Variants in PRKD1 observed in about 807,000 individuals in gnomAD.
The protein encoded by PRKD1 is protein kinase D1, also known as serine/threonine-protein kinase D1.
A neutral mutation model predicts 95.9 loss-of-function variants in PRKD1; 63 were observed. That is an observed-to-expected ratio of 0.66 (90% confidence interval 0.54 to 0.81). PRKD1 has a LOEUF of 0.81. Among genes scored for constraint, PRKD1 ranks in the 30% least tolerant of loss-of-function variants. PRKD1 has a pLI of 0.00. For missense variants in PRKD1, 1,048 were observed against 1,165.3 expected, an observed-to-expected ratio of 0.90 and a Z score of 1.47; for synonymous variants, 425 against 423.1, an observed-to-expected ratio of 1.00 and a Z score of -0.05.
chr14:29,829,829 C>G (rs1891334376), intron 1 of PRKD1, among the ~76,000 whole-genome samples: 1 of 152,030 alleles, frequency 6.6e-6, no homozygotes. Context: ...ATATTTCTTT[C>G]AAAATTTCAT....
intron 2 of PRKD1, among the ~76,000 whole-genome samples, chr14:29,704,728 T>A (rs1884995611): frequency 6.6e-6 from 1 of 152,298 alleles, no homozygotes; most frequent in East Asian, 1.9e-4. Flanking sequence ...CCATTCTATA[T>A]GTTCAATGAC....
chr14:29,675,035 C>CT (rs986144828), intron 2 of PRKD1, among the ~76,000 whole-genome samples: 3 of 152,164 alleles, frequency 2.0e-5, no homozygotes, highest in African/African-American at 7.2e-5. Flanking sequence ...TCAACAATTG[C>CT]TGAATCCAAT....
chr14:29,649,366 CT>C (rs2139171223), intron 4 of PRKD1, among the ~76,000 whole-genome samples: 1 of 151,642 alleles, frequency 6.6e-6, no homozygotes, highest in South Asian at 2.1e-4. Context: ...TGTGGCTTTC[CT>C]TTTGTCTCTG....
chr14:29,878,824 A>AT (rs1451964310), intron 1 of PRKD1, among the ~76,000 whole-genome samples: 1 of 152,154 alleles, frequency 6.6e-6, no homozygotes, highest in Non-Finnish European at 1.5e-5. Flanking sequence ...AAAGTTCTGG[A>AT]ATTAGATAAT....
At chr14:29,840,799 C>T (rs1421212941) in intron 1 of PRKD1, among the ~76,000 whole-genome samples, 1 of 152,176 alleles carries the variant, frequency 6.6e-6, no homozygotes, top group Non-Finnish European at 1.5e-5. Flanking sequence ...TCTCTTGAGA[C>T]CCACTCACTA....
chr14:29,625,574 A>G (rs941647046), intron 12 of PRKD1, among the ~76,000 whole-genome samples: 1 of 152,152 alleles, frequency 6.6e-6, no homozygotes, highest in African/African-American at 2.4e-5. Context: ...TATACTGTAG[A>G]GCAGTAATCA....
intron 1 of PRKD1, among the ~76,000 whole-genome samples, chr14:29,762,572 TAA>T (rs1242931740): frequency 6.6e-6 from 1 of 152,214 alleles, no homozygotes; most frequent in Non-Finnish European, 1.5e-5. Flanking sequence ...TCTCAACATT[TAA>T]GAATTATTTC....
At chr14:29,894,729 G>A (rs933619391) in intron 1 of PRKD1, among the ~76,000 whole-genome samples, 7 of 152,126 alleles carry the variant, frequency 4.6e-5, no homozygotes, top group African/African-American at 1.7e-4. Flanking sequence ...GTGGAGAGAG[G>A]ATGGAGAGAC....
chr14:29,641,609 G>C (rs1306906214), intron 4 of PRKD1, among the ~76,000 whole-genome samples: 3 of 152,124 alleles, frequency 2.0e-5, no homozygotes, highest in Non-Finnish European at 4.4e-5. Flanking sequence ...ACACACATTT[G>C]CATGTGCTTT....
chr14:29,630,639 G>A, intron 10 of PRKD1, 103 bp downstream of exon 10: 2 of 1,441,850 alleles, frequency 1.4e-6, no homozygotes, highest in Non-Finnish European at 1.9e-6. Flanking sequence ...TCCCCAAGAA[G>A]TCTTTCTTCA....
chr14:29,820,816 T>A (rs1890881662), intron 1 of PRKD1, among the ~76,000 whole-genome samples: 1 of 152,206 alleles, frequency 6.6e-6, no homozygotes, highest in Non-Finnish European at 1.5e-5. Context: ...AGTTAACATG[T>A]AATTGCCATA....
chr14:29,639,161 A>G (rs1378156595), intron 4 of PRKD1, among the ~76,000 whole-genome samples: 1 of 152,194 alleles, frequency 6.6e-6, no homozygotes, highest in Non-Finnish European at 1.5e-5. Context: ...AGGTCTTTCA[A>G]ATAAGTTTTT....
At chr14:29,673,363 G>A (rs1025013593) in intron 2 of PRKD1, among the ~76,000 whole-genome samples, 13 of 152,120 alleles carry the variant, frequency 8.5e-5, no homozygotes, top group Admixed American at 6.6e-4. Flanking sequence ...CTAAGAATGC[G>A]TCACCGTCTT....
chr14:29,577,391 A>G lies in PRKD1; in HGVS notation c.2586T>C (p.His862=). ...TCTCCCACCTCAGGTCATCACTTTC[A>G]TGGGTGATGTAGCGCTCCCCGATTT... ...ECKIGERYIT[H]ESDDLRWEKY... The change falls in exon 18 of 18, where the codon CAT becomes CAC. Residue 862 remains histidine (H), a synonymous_variant. Transcript: ENST00000331968. 6.2e-7 allele frequency: 1 copy of G among 1,613,772 alleles called. No individual in the cohort carries two copies. The highest frequency in any genetic ancestry group is 8.5e-7 in the Non-Finnish European group (1 of 1,179,792).
chr14:29,887,970 C>T lies in PRKD1; in HGVS notation c.264+39279G>A, dbSNP rs143440696. ...GAGCAAAGGAATATGTCATAATAGA[C>T]ATAAGTCTCATTCTGTTAGACTTGA... On this transcript the variant is annotated intron_variant, in intron 1 of 17. Transcript: ENST00000331968. Among the ~76,000 whole-genome samples, 145 of 152,308 alleles carry T rather than the reference C, an allele frequency of 9.5e-4. 3 individuals carry two copies. The highest frequency in any genetic ancestry group is 3.3e-3 in the African/African-American group (139 of 41,570).
At chr14:29,585,215 G>A (rs1450570837) in intron 16 of PRKD1, among the ~76,000 whole-genome samples, 1 of 152,108 alleles carries the variant, frequency 6.6e-6, no homozygotes, top group East Asian at 1.9e-4. Context: ...AACCCAGCAT[G>A]CTGTTGCTCA....
chr14:29,736,394 A>T (rs953589942), intron 1 of PRKD1, among the ~76,000 whole-genome samples: 1 of 152,230 alleles, frequency 6.6e-6, no homozygotes, highest in Non-Finnish European at 1.5e-5. Context: ...AATGCCTGAC[A>T]ACTGAAAAGA....
At chr14:29,900,857 G>A (rs2139429382) in intron 1 of PRKD1, among the ~76,000 whole-genome samples, 1 of 152,310 alleles carries the variant, frequency 6.6e-6, no homozygotes, top group East Asian at 1.9e-4. Flanking sequence ...TGGTGAGGCT[G>A]TGGAGAAAAA....
At chr14:29,665,317 G>T (rs1172626514) in intron 3 of PRKD1, among the ~76,000 whole-genome samples, 1 of 152,062 alleles carries the variant, frequency 6.6e-6, no homozygotes, top group Non-Finnish European at 1.5e-5. Flanking sequence ...TTTTAGTGTA[G>T]CTGTCACCCA....
Sources: gnomAD v4.1 joint callset for allele counts (sites outside exome capture counted in the v4.1 genomes callset) on GRCh38, gnomAD v4.1.1 for gene constraint, MANE v1.5 for transcripts, NCBI Gene and HGNC (gene_info 2026-07-23, HGNC 2026-07-21) for gene names.